Variants in NUSAP1 observed in about 807,000 individuals in gnomAD.
NUSAP1 encodes nucleolar and spindle associated protein 1, also known as nucleolar and spindle-associated protein 1.
In NUSAP1, 32 loss-of-function variants were observed where a neutral mutation model predicts 52.8. The observed-to-expected ratio is 0.61, with a 90% CI of 0.46 to 0.81. The LOEUF (loss-of-function observed/expected upper bound fraction) is 0.81. Ranked by LOEUF, NUSAP1 falls within the 40% of genes least tolerant of loss-of-function variation. The pLI is 0.00. For missense variants in NUSAP1, 499 were observed against 522.3 expected (o/e 0.96, Z 0.43); for synonymous variants, 195 against 183.1 (o/e 1.06, Z -0.52).
chr15:41,349,366 T>C, intron 3 of NUSAP1, 125 bp downstream of exon 3: 1 of 978,330 alleles, frequency 1.0e-6, no homozygotes, highest in African/African-American at 1.6e-5. Flanking sequence ...TGCTGTAAGC[T>C]CCATGAAAGC....
intron 2 of NUSAP1, among the ~76,000 whole-genome samples, chr15:41,348,177 A>G (rs1266751605): frequency 6.6e-6 from 1 of 152,138 alleles, no homozygotes; most frequent in Non-Finnish European, 1.5e-5. Flanking sequence ...AAGATAATAC[A>G]AAATATAACT....
rs767297634 is a variant in NUSAP1, at chr15:41,375,737, T to C, written c.1032T>C (p.Thr344=). The stretch of plus-strand genomic sequence containing the variant: ...TTATTACCCCATTCAAGTTGACAAC[T>C]GAGGCAACGCAGACTCCAGTCTCCA... ...AAVITPFKLT[T]EATQTPVSNK... is the part of the protein sequence containing the mutation. The change falls in exon 9 of 11, where the codon ACT becomes ACC. Residue 344 remains threonine, a synonymous_variant. Transcript: ENST00000559596. 6.2e-7 allele frequency: 1 copy of C among 1,613,640 alleles called. No individual in the cohort carries two copies. Among genetic ancestry groups the C allele is most frequent in the East Asian group, 2.2e-5 (1 of 44,884 alleles).
chr15:41,333,306 G>GT (rs1024012500), intron 1 of NUSAP1, among the ~76,000 whole-genome samples: 1 of 152,112 alleles, frequency 6.6e-6, no homozygotes, highest in East Asian at 1.9e-4. Context: ...ATGGTTTATT[G>GT]TTTTTTGTTT....
intron 6 of NUSAP1, among the ~76,000 whole-genome samples, chr15:41,363,822 C>T (rs1370610985): frequency 2.0e-5 from 3 of 152,150 alleles, no homozygotes; most frequent in Admixed American, 2.0e-4. Context: ...TATTCAATTA[C>T]TCTTTGTGCC....
chr15:41,335,817 A>T (rs1209683276), intron 1 of NUSAP1, among the ~76,000 whole-genome samples: 1 of 146,814 alleles, frequency 6.8e-6, no homozygotes, highest in Non-Finnish European at 1.5e-5. Flanking sequence ...AATATACTAA[A>T]TATACTATAT....
chr15:41,335,536 A>G (rs1346610657), intron 1 of NUSAP1, among the ~76,000 whole-genome samples: 2 of 137,798 alleles, frequency 1.5e-5, no homozygotes, highest in Non-Finnish European at 3.0e-5. Context: ...AATATACTAT[A>G]TATACTAATA....
At position 41,369,665 on chromosome 15, in the gene NUSAP1, A is replaced by G. The variant is rs145414924; in HGVS notation, c.849-1862A>G. ...CATTGTCTAAAAAAAAAAGAACACC[A>G]TGGTCAGAGGTTTGGCCCTTGCTTC... On this transcript the variant is annotated intron_variant, in intron 7 of 10. Coordinates refer to ENST00000559596, the MANE Select transcript of NUSAP1 (RefSeq NM_016359.5). Among the ~76,000 whole-genome samples, 53 of 152,092 alleles carry G rather than the reference A, an allele frequency of 3.5e-4. 1 individual carries two copies. The East Asian group carries it at 8.9e-3, about 26-fold the overall frequency.
intron 8 of NUSAP1, among the ~76,000 whole-genome samples, chr15:41,374,809 G>T (rs2049852722): frequency 6.6e-6 from 1 of 151,912 alleles, no homozygotes; most frequent in African/African-American, 2.4e-5. Context: ...ACAGTCGTGA[G>T]CCACTGCACC....
chr15:41,371,467 G>A (rs139357779), intron 7 of NUSAP1, 60 bp from the exon 8 acceptor site: 2 of 1,408,018 alleles, frequency 1.4e-6, no homozygotes, highest in African/African-American at 2.9e-5. Context: ...TTATTTATAA[G>A]CTAGACACAA....
intron 10 of NUSAP1, among the ~76,000 whole-genome samples, chr15:41,379,321 G>T (rs1204363102): frequency 1.3e-5 from 2 of 151,292 alleles, no homozygotes; most frequent in Non-Finnish European, 1.5e-5. Context: ...TAGAGACAGG[G>T]TCTTACTTTT....
Position 41,380,403 on chromosome 15 carries a change from C to A in NUSAP1, c.*217C>A. On this transcript the variant is annotated 3_prime_UTR_variant, in exon 11 of 11. Coordinates refer to ENST00000559596, the MANE Select transcript of NUSAP1 (RefSeq NM_016359.5). ...TCTTTGGGATGGTTTTTACTTAAGT[C>A]CATTAACAATTCAGGTTTCTAACGA... The A allele has an allele frequency of 2.7e-6, 1 of 364,070 alleles. No homozygotes were observed. The highest frequency in any genetic ancestry group is 5.0e-6 in the Non-Finnish European group (1 of 199,590). 22.6% of individuals were successfully genotyped at this position (364,070 alleles called of 1,614,324 possible). A position where few individuals can be genotyped will look rare whatever the true frequency, so the allele number is the denominator to read the frequency against.
chr15:41,337,428 T>C (rs1413997457), intron 1 of NUSAP1, among the ~76,000 whole-genome samples: 6 of 152,156 alleles, frequency 3.9e-5, no homozygotes, highest in Admixed American at 3.9e-4. Flanking sequence ...CCCTCTTGCT[T>C]CCCCTAGGAC....
chr15:41,349,764 T>C (rs954842436), intron 3 of NUSAP1, among the ~76,000 whole-genome samples: 71 of 143,828 alleles, frequency 4.9e-4, no homozygotes, highest in Non-Finnish European at 1.0e-3. Context: ...CTTTTTTCTT[T>C]TCTTTTTTTT....
chr15:41,346,397 G>C (rs1049308580), intron 2 of NUSAP1, among the ~76,000 whole-genome samples: 1 of 151,852 alleles, frequency 6.6e-6, no homozygotes, highest in African/African-American at 2.4e-5. Flanking sequence ...CTTTTGGCTT[G>C]ACCTCAAGCA....
intron 1 of NUSAP1, among the ~76,000 whole-genome samples, chr15:41,338,617 G>A (rs1019978783): frequency 5.9e-5 from 9 of 152,056 alleles, no homozygotes; most frequent in African/African-American, 2.2e-4. Context: ...TGTTCTCTTG[G>A]TAGTTGGAGT....
intron 8 of NUSAP1, among the ~76,000 whole-genome samples, chr15:41,372,555 T>C (rs2049744516): frequency 6.6e-6 from 1 of 152,134 alleles, no homozygotes; most frequent in African/African-American, 2.4e-5. Flanking sequence ...GACAGCTGGA[T>C]TGGAAAATAT....
In NUSAP1 at chr15:41,375,697, T is replaced by TC. The variant is rs761021859; in HGVS notation, c.1007-14dup. On this transcript the variant is annotated splice_polypyrimidine_tract_variant and intron_variant, in intron 8 of 10. Coordinates refer to ENST00000559596, the MANE Select transcript of NUSAP1 (RefSeq NM_016359.5). ...TTTCTAATTAAGCTCTTGGGTTTTTTCGGTGTGTTTTTAGTTATTACCCCA... is the reference window on the plus strand; with the variant it reads ...TTTCTAATTAAGCTCTTGGGTTTTTTCCGGTGTGTTTTTAGTTATTACCCCA... 1.3e-6 allele frequency: 2 copies of TC among 1,524,044 alleles called. No homozygotes were observed. The highest frequency in any genetic ancestry group is 2.2e-5 in the East Asian group (1 of 44,452). 94.4% of individuals were successfully genotyped at this position (1,524,044 alleles called of 1,614,324 possible).
intron 6 of NUSAP1, among the ~76,000 whole-genome samples, chr15:41,363,252 C>G (rs1595578309): frequency 6.7e-6 from 1 of 148,530 alleles, no homozygotes; most frequent in East Asian, 2.0e-4. Flanking sequence ...CGCCATTGCA[C>G]TCCAGACTGG....
At chr15:41,356,379 G>C (rs563501078) in intron 5 of NUSAP1, among the ~76,000 whole-genome samples, 1 of 117,680 alleles carries the variant, frequency 8.5e-6, no homozygotes, top group East Asian at 2.8e-4. Flanking sequence ...TTTTGAGACA[G>C]AGTCTTGCTC....
Sources: allele counts gnomAD v4.1 joint callset (sites outside exome capture counted in the v4.1 genomes callset), GRCh38; gene constraint gnomAD v4.1.1; transcripts MANE v1.5; gene names NCBI Gene and HGNC (gene_info 2026-07-23, HGNC 2026-07-21).